SETBP1: variants seen among roughly 807,000 people sequenced by gnomAD.
The protein encoded by SETBP1 is SET-binding protein.
Under a neutral mutation model 101.0 loss-of-function variants are expected in SETBP1, and 9 were observed. The observed-to-expected ratio is 0.09, with a 90% CI of 0.05 to 0.16. The LOEUF (loss-of-function observed/expected upper bound fraction) is 0.16, where lower values mean the gene tolerates loss of function less well. SETBP1 is among the 10% of genes least tolerant of loss of function. The pLI, the probability that SETBP1 is intolerant of heterozygous loss-of-function variation, is 1.00. For synonymous variants in SETBP1, 818 were observed against 788.5 expected, an observed-to-expected ratio of 1.04 and a Z score of -0.63; for missense variants, 1,858 against 2,033.8, an observed-to-expected ratio of 0.91 and a Z score of 1.66.
At chr18:45,040,319 T>C (rs182439470) in intron 5 of SETBP1, among the ~76,000 whole-genome samples, 7 of 150,100 alleles carry the variant, frequency 4.7e-5, no homozygotes, top group Non-Finnish European at 9.0e-5. Context: ...TGAGACTTGA[T>C]GGATTAGTAG....
At chr18:44,923,866 T>C (rs1047399415) in intron 3 of SETBP1, among the ~76,000 whole-genome samples, 2 of 151,818 alleles carry the variant, frequency 1.3e-5, no homozygotes, top group African/African-American at 4.8e-5. Flanking sequence ...CCTGGAGGAG[T>C]GTGTGCAGTC....
chr18:44,705,855 C>A (rs1191580941), intron 2 of SETBP1, among the ~76,000 whole-genome samples: 6 of 152,168 alleles, frequency 3.9e-5, no homozygotes, highest in Admixed American at 6.5e-5. Context: ...GGGAACATCA[C>A]CACTTAAGTG....
At position 45,038,666 on chromosome 18, in the gene SETBP1, T is replaced by G. The variant is rs777046876; in HGVS notation, c.4171+11T>G. 8.7e-6 allele frequency: 14 copies of G among 1,613,554 alleles called. No homozygotes were observed. In the African/African-American group the frequency reaches 1.5e-4, roughly 17 times the overall value. On this transcript the variant is annotated intron_variant, in intron 5 of 5. Transcript: ENST00000649279. ...CAACGTCGGATGCAGGTGAGCACTT[T>G]TCAGATGCTTTGGGTTCACCCCAAG...
intron 4 of SETBP1, among the ~76,000 whole-genome samples, chr18:45,019,156 T>C (rs2073007749): frequency 6.6e-6 from 1 of 152,176 alleles, no homozygotes; most frequent in South Asian, 2.1e-4. Context: ...CATTTTTGGC[T>C]TGACAAAAGG....
intron 2 of SETBP1, among the ~76,000 whole-genome samples, chr18:44,720,270 C>T (rs2069557869): frequency 6.6e-6 from 1 of 152,168 alleles, no homozygotes; most frequent in South Asian, 2.1e-4. Flanking sequence ...AAGTCCTTTC[C>T]AACTCTGATA....
chr18:44,720,268 T>A (rs2069557792), intron 2 of SETBP1, among the ~76,000 whole-genome samples: 1 of 152,186 alleles, frequency 6.6e-6, no homozygotes, highest in African/African-American at 2.4e-5. Flanking sequence ...TGAAGTCCTT[T>A]CCAACTCTGA....
chr18:44,802,089 T>C (rs187350982), intron 2 of SETBP1, among the ~76,000 whole-genome samples: 32 of 152,312 alleles, frequency 2.1e-4, no homozygotes, highest in Middle Eastern at 6.8e-3. Context: ...GCAGAAATAA[T>C]TGGCATACAC....
chr18:44,711,202 C>T (rs1346412085), intron 2 of SETBP1, among the ~76,000 whole-genome samples: 1 of 150,950 alleles, frequency 6.6e-6, no homozygotes, highest in Non-Finnish European at 1.5e-5. Context: ...TTTTCTTTCC[C>T]ACCCTCCCTC....
chr18:44,989,868 C>CAAAAAAAAAA (rs1169222498), intron 4 of SETBP1, among the ~76,000 whole-genome samples: 3 of 15,426 alleles, frequency 1.9e-4, no homozygotes, highest in Admixed American at 1.2e-3. Flanking sequence ...GACTCCGTCT[C>CAAAAAAAAAA]AAAAAAAAAA....
chr18:44,964,822 C>T (rs1213624721), intron 4 of SETBP1, among the ~76,000 whole-genome samples: 1 of 152,196 alleles, frequency 6.6e-6, no homozygotes, highest in South Asian at 2.1e-4. Flanking sequence ...TTTGCCTCCT[C>T]TTTTCTCCAC....
intron 3 of SETBP1, among the ~76,000 whole-genome samples, chr18:44,902,499 A>T (rs2070075160): frequency 6.6e-6 from 1 of 151,966 alleles, no homozygotes; most frequent in African/African-American, 2.4e-5. Context: ...TGGGCTGGGA[A>T]TGGCATTCAA....
intron 3 of SETBP1, among the ~76,000 whole-genome samples, chr18:44,927,604 A>G (rs1427172759): frequency 1.3e-5 from 2 of 152,236 alleles, no homozygotes. Context: ...GGCCCGAAAT[A>G]ACTGCAGAAT....
intron 2 of SETBP1, among the ~76,000 whole-genome samples, chr18:44,779,957 C>T (rs570967111): frequency 1.8e-4 from 28 of 151,930 alleles, no homozygotes; most frequent in Non-Finnish European, 2.8e-4. Context: ...CACGCACACA[C>T]GCATGCACAC....
intron 1 of SETBP1, among the ~76,000 whole-genome samples, chr18:44,685,829 G>A (rs184797457): frequency 7.2e-5 from 11 of 152,190 alleles, no homozygotes; most frequent in East Asian, 3.9e-4. Flanking sequence ...TAATTCAACC[G>A]ATGTCCATAT....
chr18:44,860,070 T>C (rs545174547), intron 2 of SETBP1, among the ~76,000 whole-genome samples: 24 of 152,330 alleles, frequency 1.6e-4, no homozygotes, highest in African/African-American at 5.0e-4. Flanking sequence ...ATCAGTTTCC[T>C]GGGATTCACC....
At chr18:45,016,025 C>G (rs1194306012) in intron 4 of SETBP1, among the ~76,000 whole-genome samples, 1 of 152,142 alleles carries the variant, frequency 6.6e-6, no homozygotes, top group Non-Finnish European at 1.5e-5. Context: ...AGGTTCCTTC[C>G]TAAACAGACA....
intron 4 of SETBP1, among the ~76,000 whole-genome samples, chr18:44,959,251 A>G (rs2071559547): frequency 6.6e-6 from 1 of 152,222 alleles, no homozygotes; most frequent in African/African-American, 2.4e-5. Flanking sequence ...TGGAGAAATC[A>G]GGAAGCATGC....
chr18:44,968,549 G>A (rs891077732), intron 4 of SETBP1, among the ~76,000 whole-genome samples: 5 of 152,268 alleles, frequency 3.3e-5, no homozygotes, highest in South Asian at 4.1e-4. Context: ...TTGAGAGGGC[G>A]CTGCCAGCAA....
intron 3 of SETBP1, among the ~76,000 whole-genome samples, chr18:44,947,877 T>C (rs1356725119): frequency 6.6e-6 from 1 of 152,186 alleles, no homozygotes; most frequent in Non-Finnish European, 1.5e-5. Flanking sequence ...CATACACTGA[T>C]ACCCTAAGGA....
Sources: allele counts gnomAD v4.1 joint callset (sites outside exome capture counted in the v4.1 genomes callset), GRCh38; gene constraint gnomAD v4.1.1; transcripts MANE v1.5; gene names NCBI Gene and HGNC (gene_info 2026-07-23, HGNC 2026-07-21).